The following EGFR variants were observed in gnomAD, a reference collection of about 807,000 sequenced individuals.
EGFR encodes epidermal growth factor receptor, also known as avian erythroblastic leukemia viral (v-erb-b) oncogene homolog.
In EGFR, 58 loss-of-function variants were observed where a neutral mutation model predicts 143.0. The ratio of observed to expected loss-of-function variants is 0.41; its 90% CI spans 0.33 to 0.50. The LOEUF is 0.50. EGFR is among the 20% of genes least tolerant of loss of function. EGFR has a pLI of 0.39. For synonymous variants in EGFR, 613 were observed against 594.4 expected (o/e 1.03, Z -0.45); for missense variants, 1,307 against 1,579.0 (o/e 0.83, Z 2.92).
At chr7:55,022,144 G>C (rs1185768268) in intron 1 of EGFR, among the ~76,000 whole-genome samples, 1 of 152,186 alleles carries the variant, frequency 6.6e-6, no homozygotes, top group East Asian at 1.9e-4. Context: ...TTCCATAGAG[G>C]CAGCTTAGTC....
rs116057045 is a variant in EGFR at position 55,161,557 on chromosome 7, G to T, written c.1557G>T (p.Glu519Asp). ...CCCCCGAGGGCTGCTGGGGCCCGGA[G>T]CCCAGGGACTGCGTCTCTTGCCGGA... ...LCSPEGCWGP[E>D]PRDCVSCRNV... The change falls in exon 13 of 28, where the codon GAG becomes GAT. Residue 519 changes from glutamate (E) to aspartate (D), a missense_variant. By Grantham distance (45) the Glu-to-Asp change is conservative. Transcript: ENST00000275493. 63 of 1,614,276 alleles carry T rather than the reference G, an allele frequency of 3.9e-5. No individual in the cohort carries two copies. In the African/African-American group the frequency reaches 8.0e-4, roughly 20 times the overall value.
At chr7:55,172,337 AGACAT>A (rs1786389424) in intron 16 of EGFR, among the ~76,000 whole-genome samples, 1 of 152,204 alleles carries the variant, frequency 6.6e-6, no homozygotes, top group Non-Finnish European at 1.5e-5. Context: ...CTCTGGAACT[AGACAT>A]GACCTCTGTG....
At position 55,117,704 on chromosome 7, in the gene EGFR, C is replaced by T. The variant is rs146037707; in HGVS notation, c.89-24582C>T. Among the ~76,000 whole-genome samples, 10 of 152,288 alleles carry T rather than the reference C, an allele frequency of 6.6e-5. No individual in the cohort carries two copies. In the East Asian group the frequency reaches 1.9e-3, roughly 29 times the overall value. Reference sequence around the variant, plus strand: ...CCATAGACCCTGTGCAGAGTGCCCTCAACGAAGGAGCAAGGAAGACCAAGT... The same window carrying T: ...CCATAGACCCTGTGCAGAGTGCCCTTAACGAAGGAGCAAGGAAGACCAAGT... On this transcript the variant is annotated intron_variant, in intron 1 of 27. Transcript: ENST00000275493.
chr7:55,136,778 C>T (rs925760514), intron 1 of EGFR, among the ~76,000 whole-genome samples: 3 of 152,244 alleles, frequency 2.0e-5, no homozygotes, highest in Admixed American at 1.3e-4. Flanking sequence ...CCAGAGCTCC[C>T]AGTCAGCCAT....
intron 1 of EGFR, among the ~76,000 whole-genome samples, chr7:55,049,280 CA>C (rs1036872088): frequency 5.3e-5 from 8 of 152,200 alleles, no homozygotes; most frequent in Admixed American, 4.6e-4. Context: ...GCAGGAGACA[CA>C]AAAAGAAGAG....
In EGFR at chr7:55,142,419, T is replaced by C. The variant is rs200383389; in HGVS notation, c.222T>C (p.Tyr74=). 5.3e-5 allele frequency: 86 copies of C among 1,614,190 alleles called. No individual in the cohort carries two copies. In the East Asian group the frequency reaches 1.2e-3, roughly 22 times the overall value. ...NLEITYVQRN[Y]DLSFLKTIQE... ...AAATTACCTATGTGCAGAGGAATTA[T>C]GATCTTTCCTTCTTAAAGGTTGGTG... Residue 74 remains tyrosine, a synonymous_variant, in exon 2 of 28, where the codon TAT becomes TAC. Coordinates refer to ENST00000275493, the MANE Select transcript of EGFR (RefSeq NM_005228.5).
chr7:55,153,955 G>T (rs2128934718), intron 6 of EGFR, 56 bp from the exon 7 acceptor site: 1 of 1,613,514 alleles, frequency 6.2e-7, no homozygotes, highest in Middle Eastern at 1.7e-4. Flanking sequence ...CTTCCTCCGT[G>T]TGTGGCGCTG....
intron 20 of EGFR, chr7:55,182,540 C>G (rs907060579): frequency 6.6e-6 from 1 of 152,228 alleles, no homozygotes; most frequent in African/African-American, 2.4e-5. Context: ...CTTGACACCA[C>G]CAGGCAGGCT....
At chr7:55,052,303 GCA>G (rs1353944327) in intron 1 of EGFR, among the ~76,000 whole-genome samples, 2 of 152,148 alleles carry the variant, frequency 1.3e-5, no homozygotes, top group Non-Finnish European at 2.9e-5. Flanking sequence ...CCTTCTTCAT[GCA>G]CAGTTATTCA....
intron 20 of EGFR, among the ~76,000 whole-genome samples, chr7:55,187,823 G>T (rs2128962080): frequency 6.6e-6 from 1 of 152,296 alleles, no homozygotes; most frequent in East Asian, 1.9e-4. Context: ...GGGTGGGGCT[G>T]CCCTCCCCAC....
intron 1 of EGFR, among the ~76,000 whole-genome samples, chr7:55,054,962 G>A (rs2128876124): frequency 6.6e-6 from 1 of 152,288 alleles, no homozygotes; most frequent in South Asian, 2.1e-4. Flanking sequence ...GTGGCGAGAT[G>A]CACCCTCCTG....
intron 1 of EGFR, among the ~76,000 whole-genome samples, chr7:55,118,413 G>A (rs1287735478): frequency 6.6e-6 from 1 of 152,202 alleles, no homozygotes; most frequent in Non-Finnish European, 1.5e-5. Context: ...ACTAGAGTAA[G>A]ATAGGCTCAG....
chr7:55,205,247 C>T lies in EGFR; in HGVS notation c.3272-9C>T, dbSNP rs1305943719. The T allele has an allele frequency of 6.2e-7, 1 of 1,613,772 alleles. No individual in the cohort carries two copies. Among genetic ancestry groups the T allele is most frequent in the Non-Finnish European group, 8.5e-7 (1 of 1,179,954 alleles). On this transcript the variant is annotated splice_polypyrimidine_tract_variant and intron_variant, in intron 27 of 27. Coordinates refer to ENST00000275493, the MANE Select transcript of EGFR (RefSeq NM_005228.5). ...GATTACTTCACCTCTGATTTCTTTCCACTTTCAGAATACATAAACCAGTCC... is the reference window on the plus strand; with the variant it reads ...GATTACTTCACCTCTGATTTCTTTCTACTTTCAGAATACATAAACCAGTCC...
chr7:55,028,687 G>T (rs1252517264), intron 1 of EGFR, among the ~76,000 whole-genome samples: 3 of 152,112 alleles, frequency 2.0e-5, no homozygotes, highest in Non-Finnish European at 4.4e-5. Flanking sequence ...ACTATTTTAA[G>T]TTTGTTCTAG....
rs2128969940 is a variant in EGFR at position 55,200,381 on chromosome 7, G to A, written c.2914G>A (p.Ala972Thr). ...GTTGATCATCGAATTCTCCAAAATG[G>A]CCCGAGACCCCCAGCGCTACCTTGT... ...RELIIEFSKMARDPQRYLVIQ... is the reference protein window; with the variant it reads ...RELIIEFSKMTRDPQRYLVIQ... Residue 972 changes from alanine (A) to threonine (T), a missense_variant, in exon 24 of 28, where the codon GCC becomes ACC. This residue lies in a region of EGFR where 313 missense variants were observed against 312.3 expected (regional missense o/e 1.00). Transcript: ENST00000275493. 8 of 1,614,078 alleles carry A rather than the reference G, an allele frequency of 5.0e-6. No individual in the cohort carries two copies. Among genetic ancestry groups the A allele is most frequent in the Non-Finnish European group, 6.8e-6 (8 of 1,180,018 alleles).
At position 55,205,417 on chromosome 7, in the gene EGFR, A is replaced by G. The variant is rs1452191951; in HGVS notation, c.3433A>G (p.Thr1145Ala). 6.2e-7 allele frequency: 1 copy of G among 1,614,066 alleles called. No homozygotes were observed. The highest frequency in any genetic ancestry group is 8.5e-7 in the Non-Finnish European group (1 of 1,180,002). Residue 1145 changes from threonine to alanine, a missense_variant, in exon 28 of 28, where the codon ACC becomes GCC. This residue lies in a region of EGFR where 313 missense variants were observed against 312.3 expected (regional missense o/e 1.00). Transcript: ENST00000275493. ...CGAGTATCTCAACACTGTCCAGCCC[A>G]CCTGTGTCAACAGCACATTCGACAG... is the stretch of plus-strand genomic sequence containing the variant. ...NPEYLNTVQP[T>A]CVNSTFDSPA...
At chr7:55,105,472 AAC>A (rs1792075003) in intron 1 of EGFR, among the ~76,000 whole-genome samples, 1 of 152,236 alleles carries the variant, frequency 6.6e-6, no homozygotes, top group Non-Finnish European at 1.5e-5. Flanking sequence ...TTTCTGATAA[AAC>A]AGAGTCTTTC....
intron 1 of EGFR, among the ~76,000 whole-genome samples, chr7:55,058,325 C>T (rs572362820): frequency 3.9e-4 from 59 of 151,578 alleles, no homozygotes; most frequent in Middle Eastern, 3.4e-3. Flanking sequence ...ACGCGGGAGG[C>T]GGAGTTTGCA....
chr7:55,142,288 T>A lies in EGFR; in HGVS notation c.91T>A (p.Cys31Ser). 1 of 1,614,230 alleles carries A rather than the reference T, an allele frequency of 6.2e-7. No individual in the cohort carries two copies. The highest frequency in any genetic ancestry group is 8.5e-7 in the Non-Finnish European group (1 of 1,180,024). ...ASRALEEKKV[C>S]QGTSNKLTQL... is the part of the protein sequence containing the mutation. Reference sequence around the variant, plus strand: ...TGATATCTGTCTTTTTCTTCCAGTTTGCCAAGGCACGAGTAACAAGCTCAC... The same window carrying A: ...TGATATCTGTCTTTTTCTTCCAGTTAGCCAAGGCACGAGTAACAAGCTCAC... The change falls in exon 2 of 28, where the codon TGC becomes AGC. Residue 31 changes from cysteine to serine, a missense_variant and splice_region_variant. This residue lies in a region of EGFR where 311 missense variants were observed against 412.3 expected (regional missense o/e 0.75). Transcript: ENST00000275493.
Sources: gnomAD v4.1 joint callset for allele counts (sites outside exome capture counted in the v4.1 genomes callset) on GRCh38, gnomAD v4.1.1 for gene constraint, gnomAD v4.1.1 regional missense constraint, MANE v1.5 for transcripts, NCBI Gene and HGNC (gene_info 2026-07-23, HGNC 2026-07-21) for gene names.